Variants in PCDHA2 observed in about 807,000 individuals in gnomAD.
PCDHA2 encodes protocadherin alpha-2.
A neutral mutation model predicts 66.0 loss-of-function variants in PCDHA2; 58 were observed. The ratio of observed to expected loss-of-function variants is 0.88; its 90% CI spans 0.71 to 1.09. The LOEUF is 1.09. Ranked by LOEUF, PCDHA2 falls within the 50% of genes least tolerant of loss-of-function variation. PCDHA2 has a pLI of 0.00. For synonymous variants in PCDHA2, 634 were observed against 554.0 expected (o/e 1.14, Z -2.03); for missense variants, 1,267 against 1,242.3 (o/e 1.02, Z -0.30).
intron 1 of PCDHA2, chr5:140,808,888 G>T (rs556570330): frequency 8.1e-6 from 13 of 1,613,250 alleles, no homozygotes; most frequent in Non-Finnish European, 1.1e-5. Flanking sequence ...CACTGCTAGC[G>T]CCTCGGGCGG....
chr5:140,929,645 C>G (rs1271694172), intron 1 of PCDHA2: 1 of 366,374 alleles, frequency 2.7e-6, no homozygotes, highest in Non-Finnish European at 5.0e-6. Context: ...ATGTGTAAGG[C>G]ACTCTAATAT....
Position 140,841,444 on chromosome 5 carries a change from C to A in PCDHA2, c.2388+44092C>A, listed in dbSNP as rs2150315677. 7.4e-6 allele frequency: 12 copies of A among 1,612,806 alleles called. No individual in the cohort carries two copies. In the South Asian group the frequency reaches 8.8e-5, roughly 12 times the overall value. On this transcript the variant is annotated intron_variant, in intron 1 of 3. Coordinates refer to ENST00000526136, the MANE Select transcript of PCDHA2 (RefSeq NM_018905.3). ...ACTCCGTCCCCGAGGAGGCCAAACA[C>A]GGCACCTTCGTGGGCCGGATCGCGC... is the stretch of plus-strand genomic sequence containing the variant.
At chr5:140,942,757 T>C (rs2093364947) in intron 1 of PCDHA2, among the ~76,000 whole-genome samples, 1 of 152,174 alleles carries the variant, frequency 6.6e-6, no homozygotes, top group South Asian at 2.1e-4. Context: ...ATAAATGAGA[T>C]GGCATAATGT....
chr5:140,958,015 C>A (rs573406509), intron 1 of PCDHA2, among the ~76,000 whole-genome samples: 1 of 151,796 alleles, frequency 6.6e-6, no homozygotes, highest in Non-Finnish European at 1.5e-5. Context: ...TTCTATCAGC[C>A]AAGTATACTA....
intron 1 of PCDHA2, among the ~76,000 whole-genome samples, chr5:140,939,041 T>G (rs2092303651): frequency 6.6e-6 from 1 of 152,222 alleles, no homozygotes; most frequent in Admixed American, 6.5e-5. Context: ...AAGAGTTGTC[T>G]TAGTCCATTT....
At chr5:140,939,973 A>G (rs782675791) in intron 1 of PCDHA2, among the ~76,000 whole-genome samples, 4 of 152,234 alleles carry the variant, frequency 2.6e-5, no homozygotes, top group Non-Finnish European at 4.4e-5. Flanking sequence ...TCCACGATGA[A>G]TAGTGAATTG....
intron 1 of PCDHA2, chr5:140,842,095 A>G: frequency 6.2e-7 from 1 of 1,613,924 alleles, no homozygotes; most frequent in Non-Finnish European, 8.5e-7. Flanking sequence ...CAGACAACGG[A>G]ACAACAGTTA....
chr5:140,810,781 T>C (rs1764727792), intron 1 of PCDHA2: 1 of 152,136 alleles, frequency 6.6e-6, no homozygotes, highest in Admixed American at 6.5e-5. Flanking sequence ...TTTAGTAGTT[T>C]TCAACCTCAT....
rs782489417 is a variant in PCDHA2, at chr5:140,927,802, A to C, written c.2389-51147A>C. 6.2e-6 allele frequency: 10 copies of C among 1,614,148 alleles called. No homozygotes were observed. The East Asian group carries it at 2.0e-4, about 32-fold the overall frequency. On this transcript the variant is annotated intron_variant, in intron 1 of 3. Transcript: ENST00000526136. ...AGCTGCTTCACTAGGTCCGCCTGAA[A>C]CGCTCTTGGAGGCATACATTGAGGC...
chr5:140,893,384 G>T (rs2063960240), intron 1 of PCDHA2, among the ~76,000 whole-genome samples: 1 of 152,168 alleles, frequency 6.6e-6, no homozygotes, highest in South Asian at 2.1e-4. Flanking sequence ...ATGGGACAGT[G>T]GCTCATGCCT....
At chr5:140,812,637 T>C (rs1381777421) in intron 1 of PCDHA2, 3 of 152,176 alleles carry the variant, frequency 2.0e-5, no homozygotes, top group Admixed American at 1.3e-4. Context: ...TTTGTTTTCA[T>C]GTTTAAGAGA....
At chr5:140,861,714 C>T (rs1270815582) in intron 1 of PCDHA2, 2 of 216,396 alleles carry the variant, frequency 9.2e-6, no homozygotes, top group Non-Finnish European at 1.9e-5. Flanking sequence ...GACGTCGGGG[C>T]CAATGCTCTG....
chr5:140,803,739 G>A (rs182945871), intron 1 of PCDHA2: 5 of 1,397,772 alleles, frequency 3.6e-6, no homozygotes, highest in Non-Finnish European at 4.8e-6. Flanking sequence ...TGGTTAAAAC[G>A]GTAAGATTTT....
chr5:140,994,519 A>G (rs1378534275), intron 3 of PCDHA2, among the ~76,000 whole-genome samples: 2 of 148,690 alleles, frequency 1.3e-5, no homozygotes, highest in Non-Finnish European at 3.0e-5. Context: ...CCTGGGCAAC[A>G]TGGCAAAACC....
intron 1 of PCDHA2, among the ~76,000 whole-genome samples, chr5:140,952,114 A>G (rs246038): frequency 0.56 from 85,531 of 151,814 alleles, 24,721 homozygotes; most frequent in African/African-American, 0.69. Flanking sequence ...CGTGTGAGGG[A>G]TGGGCTCCCA....
At chr5:140,863,065 G>C (rs2047759481) in intron 1 of PCDHA2, 1 of 566,972 alleles carries the variant, frequency 1.8e-6, no homozygotes, top group Non-Finnish European at 3.5e-6. Flanking sequence ...GTTCCACGTG[G>C]GGCTCTGCAC....
intron 1 of PCDHA2, among the ~76,000 whole-genome samples, chr5:140,937,675 G>A (rs2091663642): frequency 6.6e-6 from 1 of 151,688 alleles, no homozygotes; most frequent in Admixed American, 6.6e-5. Flanking sequence ...CACTTTGGGA[G>A]GCTGAGGCAG....
intron 1 of PCDHA2, among the ~76,000 whole-genome samples, chr5:140,923,204 C>T (rs1175108066): frequency 1.3e-5 from 2 of 151,950 alleles, no homozygotes; most frequent in Non-Finnish European, 2.9e-5. Flanking sequence ...ATTTGGGAGG[C>T]TAAGGTGAAA....
intron 1 of PCDHA2, chr5:140,841,303 T>C (rs2150313013): frequency 6.4e-7 from 1 of 1,572,476 alleles, no homozygotes; most frequent in South Asian, 1.2e-5. Flanking sequence ...TATTTTCTGA[T>C]AGGAAACGAC....
Sources: allele counts gnomAD v4.1 joint callset (sites outside exome capture counted in the v4.1 genomes callset), GRCh38; gene constraint gnomAD v4.1.1; transcripts MANE v1.5; gene names NCBI Gene and HGNC (gene_info 2026-07-23, HGNC 2026-07-21).